The following SYNE1 variants were observed in gnomAD, a reference collection of about 807,000 sequenced individuals.
SYNE1 encodes spectrin repeat containing nuclear envelope protein 1, also known as nesprin-1.
A neutral mutation model predicts 1,111.0 loss-of-function variants in SYNE1; 616 were observed. That is an observed-to-expected ratio of 0.55 (90% CI 0.52 to 0.59). The LOEUF (loss-of-function observed/expected upper bound fraction) is 0.59. SYNE1 is among the 20% of genes least tolerant of loss of function. The pLI, the probability that SYNE1 is intolerant of heterozygous loss-of-function variation, is 0.00. For missense variants in SYNE1, 10,006 were observed against 10,417.0 expected (o/e 0.96, Z 1.72); for synonymous variants, 3,855 against 3,825.8 (o/e 1.01, Z -0.28).
At chr6:152,612,772 A>C in intron 3 of SYNE1, among the ~76,000 whole-genome samples, 1 of 152,180 alleles carries the variant, frequency 6.6e-6, no homozygotes, top group East Asian at 1.9e-4. Flanking sequence ...AACCGAATCC[A>C]GCATCCCATC....
intron 45 of SYNE1, among the ~76,000 whole-genome samples, chr6:152,405,512 G>T (rs2097884977): frequency 6.6e-6 from 1 of 152,190 alleles, no homozygotes; most frequent in Admixed American, 6.5e-5. Context: ...ATATGTAGAA[G>T]AATAATGAAA....
intron 11 of SYNE1, among the ~76,000 whole-genome samples, chr6:152,490,548 C>G (rs1337670681): frequency 6.6e-6 from 1 of 152,128 alleles, no homozygotes; most frequent in East Asian, 1.9e-4. Context: ...CATTCAGCAC[C>G]TTGTAACCCC....
intron 78 of SYNE1, among the ~76,000 whole-genome samples, chr6:152,329,036 A>T (rs2096171824): frequency 6.6e-6 from 1 of 152,118 alleles, no homozygotes; most frequent in East Asian, 1.9e-4. Flanking sequence ...CAGCCTTCAC[A>T]TTGTTTACAA....
At chr6:152,532,032 A>G (rs555538476) in intron 4 of SYNE1, among the ~76,000 whole-genome samples, 1 of 152,308 alleles carries the variant, frequency 6.6e-6, no homozygotes, top group South Asian at 2.1e-4. Context: ...GGAATTGCTG[A>G]ACTACATGTT....
intron 128 of SYNE1, among the ~76,000 whole-genome samples, chr6:152,188,762 T>C (rs2071026014): frequency 6.6e-6 from 1 of 151,310 alleles, no homozygotes; most frequent in African/African-American, 2.4e-5. Flanking sequence ...ATCGAGACCA[T>C]CCTGGCTAAC....
Position 152,321,752 on chromosome 6 carries a change from A to G in SYNE1, c.16052T>C (p.Ile5351Thr). 2 of 1,614,040 alleles carry G rather than the reference A, an allele frequency of 1.2e-6. No homozygotes were observed. The highest frequency in any genetic ancestry group is 1.7e-4 in the Middle Eastern group (1 of 6,060). ...TTCTTCAAGTTGAGCATCTATTTCT[A>G]TTGTTGGATTCCCTAAATATTCTTT... is the stretch of plus-strand genomic sequence containing the variant. The part of the protein sequence containing the change: ...ETKEYLGNPT[I>T]EIDAQLEELQ... Residue 5351 changes from isoleucine (I) to threonine (T), a missense_variant, in exon 83 of 146, where the codon ATA (isoleucine) becomes ACA (threonine). Physicochemically the swap from Ile to Thr is moderately conservative, Grantham distance 89. Transcript: ENST00000367255.
intron 123 of SYNE1, among the ~76,000 whole-genome samples, 182 bp from the exon 124 acceptor site, chr6:152,211,770 C>T (rs1372128267): frequency 2.6e-5 from 4 of 152,156 alleles, no homozygotes; most frequent in Non-Finnish European, 5.9e-5. Context: ...AATTAAGATA[C>T]ACTCAAAGAT....
In SYNE1 at chr6:152,336,814, C is replaced by A. The variant is rs1056959661; in HGVS notation, c.12528+27G>T. 1.8e-5 allele frequency: 29 copies of A among 1,609,750 alleles called. No individual in the cohort carries two copies. The African/African-American group carries it at 3.5e-4, about 19-fold the overall frequency. On this transcript the variant is annotated intron_variant, in intron 76 of 145. Coordinates refer to ENST00000367255, the MANE Select transcript of SYNE1 (RefSeq NM_182961.4). ...TTTCTACTCTGTTGGCCTCTTTTATCTCCCTTGGGGGCAAATTAATTCCCA... is the reference window on the plus strand; with the variant it reads ...TTTCTACTCTGTTGGCCTCTTTTATATCCCTTGGGGGCAAATTAATTCCCA...
At chr6:152,579,923 C>T (rs766363586) in intron 3 of SYNE1, among the ~76,000 whole-genome samples, 6 of 152,218 alleles carry the variant, frequency 3.9e-5, no homozygotes, top group South Asian at 2.1e-4. Context: ...AGTCCATCAT[C>T]GATGGGCCGA....
chr6:152,504,636 A>T (rs781698756), intron 9 of SYNE1, among the ~76,000 whole-genome samples: 3 of 152,214 alleles, frequency 2.0e-5, no homozygotes, highest in African/African-American at 4.8e-5. Context: ...ATAACAACTT[A>T]TTAGTTTATA....
At chr6:152,230,502 TATG>T in intron 115 of SYNE1, 42 bp downstream of exon 115, 8 of 1,590,386 alleles carry the variant, frequency 5.0e-6, no homozygotes, top group Non-Finnish European at 6.9e-6. Flanking sequence ...TAGCATACGC[TATG>T]AAATTGTGAG....
intron 32 of SYNE1, among the ~76,000 whole-genome samples, chr6:152,436,669 T>G (rs1324086136): frequency 4.6e-5 from 7 of 152,184 alleles, no homozygotes; most frequent in South Asian, 4.1e-4. Flanking sequence ...TCACAAAAAT[T>G]GTTTCTCCTT....
At chr6:152,608,021 T>A (rs2099620843) in intron 3 of SYNE1, among the ~76,000 whole-genome samples, 1 of 151,878 alleles carries the variant, frequency 6.6e-6, no homozygotes, top group Non-Finnish European at 1.5e-5. Context: ...CAACACACAC[T>A]GGGGCCTGTT....
At chr6:152,530,755 G>A (rs2099194331) in intron 4 of SYNE1, among the ~76,000 whole-genome samples, 1 of 151,706 alleles carries the variant, frequency 6.6e-6, no homozygotes, top group Non-Finnish European at 1.5e-5. Context: ...CCAAGTAGCT[G>A]GGACTACAGG....
At chr6:152,326,173 G>A (rs917330998) in intron 79 of SYNE1, 71 bp from the exon 80 acceptor site, 2 of 1,612,222 alleles carry the variant, frequency 1.2e-6, no homozygotes, top group African/African-American at 2.7e-5. Context: ...TCTGGTGTCA[G>A]TATGTCTAAT....
intron 38 of SYNE1, 127 bp from the exon 39 acceptor site, chr6:152,425,674 AAG>A: frequency 9.1e-7 from 1 of 1,099,376 alleles, no homozygotes; most frequent in South Asian, 1.3e-5. Context: ...GGACAGGCTG[AAG>A]AGAGTTTTTA....
chr6:152,435,048 A>T (rs1031943902), intron 33 of SYNE1: 14 of 152,174 alleles, frequency 9.2e-5, no homozygotes, highest in Non-Finnish European at 1.8e-4. Context: ...TATTTAATGT[A>T]ATATAAAGTC....
At chr6:152,500,687 C>T (rs1283684220) in intron 10 of SYNE1, among the ~76,000 whole-genome samples, 11 of 151,942 alleles carry the variant, frequency 7.2e-5, no homozygotes, top group African/African-American at 1.9e-4. Flanking sequence ...TGGTGGCTCA[C>T]GCCTGTAATC....
At chr6:152,598,352 C>T (rs563733057) in intron 3 of SYNE1, among the ~76,000 whole-genome samples, 131 of 152,262 alleles carry the variant, frequency 8.6e-4, no homozygotes, top group African/African-American at 3.0e-3. Flanking sequence ...ATTGTGAGGC[C>T]TCCCCAGCCA....
Sources: allele counts gnomAD v4.1 joint callset (sites outside exome capture counted in the v4.1 genomes callset), GRCh38; gene constraint gnomAD v4.1.1; transcripts MANE v1.5; gene names NCBI Gene and HGNC (gene_info 2026-07-23, HGNC 2026-07-21).